C7: variants seen among roughly 807,000 people sequenced by gnomAD.
C7 encodes the protein complement component C7.
A neutral mutation model predicts 104.8 loss-of-function variants in C7; 83 were observed. The ratio of observed to expected loss-of-function variants is 0.79; its 90% confidence interval spans 0.66 to 0.95. The LOEUF (loss-of-function observed/expected upper bound fraction) is 0.95, where lower values mean the gene tolerates loss of function less well. Ranked by LOEUF, C7 falls within the 40% of genes least tolerant of loss-of-function variation. C7 has a pLI of 0.00. For synonymous variants in C7, 415 were observed against 360.6 expected (o/e 1.15, Z -1.71); for missense variants, 1,070 against 1,011.2 (o/e 1.06, Z -0.79).
At chr5:40,973,409 ATTTAT>A (rs1229671979) in intron 15 of C7, among the ~76,000 whole-genome samples, 1 of 152,238 alleles carries the variant, frequency 6.6e-6, no homozygotes, top group African/African-American at 2.4e-5. Context: ...AAACGCTGAA[ATTTAT>A]TTTTAATAGT....
intron 17 of C7, among the ~76,000 whole-genome samples, chr5:40,980,617 A>G (rs1196429514): frequency 6.6e-6 from 1 of 152,204 alleles, no homozygotes; most frequent in Admixed American, 6.5e-5. Context: ...TGAAAGTGGA[A>G]TGGCTGGGTC....
chr5:40,940,931 T>C (rs1477133933), intron 6 of C7, among the ~76,000 whole-genome samples: 3 of 152,192 alleles, frequency 2.0e-5, no homozygotes, highest in African/African-American at 7.2e-5. Flanking sequence ...AAGCATTTTA[T>C]ATAGTATATA....
At chr5:40,952,332 A>G (rs1185766228) in intron 9 of C7, among the ~76,000 whole-genome samples, 1 of 152,204 alleles carries the variant, frequency 6.6e-6, no homozygotes, top group Non-Finnish European at 1.5e-5. Context: ...AATGCATAAA[A>G]TTTGGCTTAA....
chr5:40,921,624 G>T, intron 1 of C7, among the ~76,000 whole-genome samples: 2 of 151,766 alleles, frequency 1.3e-5, no homozygotes. Context: ...AAAGTAGTAT[G>T]CTAACAAAAA....
At chr5:40,929,516 T>A (rs1287055179) in intron 2 of C7, among the ~76,000 whole-genome samples, 2 of 151,996 alleles carry the variant, frequency 1.3e-5, no homozygotes, top group African/African-American at 4.8e-5. Context: ...AGAATGAGAG[T>A]CATTACTTTC....
intron 6 of C7, among the ~76,000 whole-genome samples, chr5:40,940,816 GC>G (rs1215355335): frequency 2.6e-5 from 4 of 152,048 alleles, no homozygotes; most frequent in African/African-American, 7.2e-5. Context: ...TAAAACAGAG[GC>G]AAAAAAGCTA....
intron 6 of C7, among the ~76,000 whole-genome samples, chr5:40,938,591 A>G (rs1739864660): frequency 6.6e-6 from 1 of 152,212 alleles, no homozygotes; most frequent in Admixed American, 6.5e-5. Flanking sequence ...TACTAGGTAA[A>G]GTATCCAAAA....
chr5:40,975,348 A>G (rs1258740522), intron 15 of C7, among the ~76,000 whole-genome samples: 1 of 146,344 alleles, frequency 6.8e-6, no homozygotes, highest in Non-Finnish European at 1.5e-5. Flanking sequence ...GGATAATACC[A>G]TTTTAAAGAG....
intron 15 of C7, among the ~76,000 whole-genome samples, chr5:40,974,601 G>C (rs1279311645): frequency 6.6e-6 from 1 of 151,838 alleles, no homozygotes; most frequent in Non-Finnish European, 1.5e-5. Context: ...TGTATTTTTA[G>C]CAGAGACGGG....
At chr5:40,969,170 A>G (rs1003000603) in intron 14 of C7, among the ~76,000 whole-genome samples, 6 of 152,092 alleles carry the variant, frequency 3.9e-5, no homozygotes, top group African/African-American at 1.4e-4. Context: ...TTTTTCACTT[A>G]AAATATAGTT....
chr5:40,917,574 G>A (rs1739343973), intron 1 of C7, among the ~76,000 whole-genome samples: 1 of 152,086 alleles, frequency 6.6e-6, no homozygotes, highest in Admixed American at 6.6e-5. Context: ...TGTAAATAAT[G>A]CAGCAATGAA....
At chr5:40,922,428 G>A (rs1423279791) in intron 1 of C7, among the ~76,000 whole-genome samples, 5 of 145,828 alleles carry the variant, frequency 3.4e-5, no homozygotes, top group South Asian at 2.2e-4. Context: ...GGGCTTGGGC[G>A]CAGTGGCTCA....
At chr5:40,918,463 A>G (rs951196308) in intron 1 of C7, among the ~76,000 whole-genome samples, 2 of 152,206 alleles carry the variant, frequency 1.3e-5, no homozygotes, top group African/African-American at 4.8e-5. Flanking sequence ...ATTACCTTGA[A>G]TGTAAATGAA....
Position 40,955,494 on chromosome 5 carries a change from A to T in C7, c.1201A>T (p.Arg401Trp), listed in dbSNP as rs755704398. The part of the protein sequence containing the change: ...LELDNPAGNK[R>W]RYSAWAESVT... ...GCTGGACAATCCTGCTGGAAACAAA[A>T]GGCGATATTCTGCCTGGGCAGAATC... Residue 401 changes from arginine to tryptophan, a missense_variant, in exon 10 of 18, where the codon AGG (arginine) becomes TGG (tryptophan). Coordinates refer to ENST00000313164, the MANE Select transcript of C7 (RefSeq NM_000587.4). The T allele has an allele frequency of 5.6e-6, 9 of 1,613,546 alleles. No individual in the cohort carries two copies. The East Asian group carries it at 2.0e-4, about 36-fold the overall frequency.
intron 9 of C7, among the ~76,000 whole-genome samples, chr5:40,953,040 A>G (rs1740207662): frequency 6.6e-6 from 1 of 152,028 alleles, no homozygotes; most frequent in African/African-American, 2.4e-5. Flanking sequence ...GGGACTAAGA[A>G]ATCTGCAGTT....
chr5:40,935,380 A>C (rs950330321), intron 4 of C7, among the ~76,000 whole-genome samples: 3 of 152,218 alleles, frequency 2.0e-5, no homozygotes, highest in Admixed American at 6.5e-5. Context: ...AGTTCTCAAC[A>C]AATGTTTGCT....
chr5:40,939,292 A>G (rs1199489701), intron 6 of C7, among the ~76,000 whole-genome samples: 1 of 151,080 alleles, frequency 6.6e-6, no homozygotes, highest in Admixed American at 6.6e-5. Flanking sequence ...TGTAGCTACC[A>G]GTTTTTGAAT....
intron 6 of C7, among the ~76,000 whole-genome samples, chr5:40,938,083 A>G (rs570560685): frequency 6.6e-6 from 1 of 152,256 alleles, no homozygotes; most frequent in Non-Finnish European, 1.5e-5. Flanking sequence ...TATTTCATAT[A>G]TACAAAAGGG....
intron 9 of C7, 38 bp downstream of exon 9, chr5:40,950,052 C>T (rs1278160836): frequency 1.6e-6 from 2 of 1,234,438 alleles, no homozygotes; most frequent in South Asian, 2.8e-5. Flanking sequence ...GCAAGCTTAA[C>T]TTCTTTTTTT....
Sources: gnomAD v4.1 joint callset for allele counts (sites outside exome capture counted in the v4.1 genomes callset) on GRCh38, gnomAD v4.1.1 for gene constraint, MANE v1.5 for transcripts, NCBI Gene and HGNC (gene_info 2026-07-23, HGNC 2026-07-21) for gene names.